Variants in FGF14 observed in about 807,000 individuals in gnomAD.
FGF14 encodes fibroblast growth factor homologous factor 4.
FGF14 carries 5 observed loss-of-function variants against 25.5 expected under a neutral mutation model. The ratio of observed to expected loss-of-function variants is 0.20; its 90% CI spans 0.10 to 0.41. The LOEUF (loss-of-function observed/expected upper bound fraction) is 0.41, where lower values mean the gene tolerates loss of function less well. Among genes scored for constraint, FGF14 ranks in the 10% least tolerant of loss-of-function variants. The pLI, the probability that FGF14 is intolerant of heterozygous loss-of-function variation, is 1.00. For missense variants in FGF14, 222 were observed against 320.1 expected (o/e 0.69, Z 2.34); for synonymous variants, 138 against 118.3 (o/e 1.17, Z -1.08).
chr13:102,371,560 C>T (rs1237853782), intron 1 of FGF14, among the ~76,000 whole-genome samples: 1 of 152,034 alleles, frequency 6.6e-6, no homozygotes, highest in African/African-American at 2.4e-5. Context: ...GCTCTTGTCA[C>T]GTTGCATTAT....
At chr13:101,799,044 C>T (rs185399242) in intron 3 of FGF14, among the ~76,000 whole-genome samples, 6 of 152,216 alleles carry the variant, frequency 3.9e-5, no homozygotes, top group African/African-American at 7.2e-5. Flanking sequence ...CATACATATA[C>T]GGTAAACACA....
chr13:102,380,309 T>C (rs771497920), intron 1 of FGF14, among the ~76,000 whole-genome samples: 2 of 152,062 alleles, frequency 1.3e-5, no homozygotes, highest in Non-Finnish European at 2.9e-5. Flanking sequence ...CAGTTTAAAG[T>C]TCAGCACGAG....
rs145146608 is a variant in FGF14 at position 101,973,816 on chromosome 13, G to C, written c.209-98520C>G. Among the ~76,000 whole-genome samples the C allele has an allele frequency of 2.6e-3, 394 of 152,176 alleles. 2 individuals are homozygous for C. Among genetic ancestry groups the C allele is most frequent in the African/African-American group, 9.0e-3 (372 of 41,532 alleles). ...GCAACACCCTCACAGACACACCCAGGATCAATACTTTGTATCTTTCAATCC... is the reference window on the plus strand; with the variant it reads ...GCAACACCCTCACAGACACACCCAGCATCAATACTTTGTATCTTTCAATCC... On this transcript the variant is annotated intron_variant, in intron 1 of 4. Transcript: ENST00000376131.
At chr13:102,180,326 T>G (rs550618534) in intron 1 of FGF14, among the ~76,000 whole-genome samples, 1 of 152,274 alleles carries the variant, frequency 6.6e-6, no homozygotes, top group East Asian at 1.9e-4. Context: ...TTTTTACTTT[T>G]TTTTGAGACA....
chr13:102,078,019 G>A (rs1027581837), intron 1 of FGF14, among the ~76,000 whole-genome samples: 2 of 152,126 alleles, frequency 1.3e-5, no homozygotes, highest in African/African-American at 4.8e-5. Flanking sequence ...TTTATAGTAA[G>A]TGAAATAAGT....
intron 1 of FGF14, among the ~76,000 whole-genome samples, chr13:102,121,252 C>T (rs114610965): frequency 8.7e-4 from 133 of 152,202 alleles, no homozygotes; most frequent in African/African-American, 3.0e-3. Context: ...GGTCAGGAAT[C>T]TTACTGTGGG....
At chr13:102,067,513 C>T (rs1183844742) in intron 1 of FGF14, among the ~76,000 whole-genome samples, 1 of 151,390 alleles carries the variant, frequency 6.6e-6, no homozygotes, top group Non-Finnish European at 1.5e-5. Flanking sequence ...AGTGTGAAAA[C>T]AAGCCAGTCA....
rs536419957 is a variant in FGF14, at chr13:102,168,887, G to C, written c.208+232584C>G. ...TCTGCCTTGTGGCAAGCAGGATAGG[G>C]AGCATTGTAAAATACTGATTCCTGA... is the stretch of plus-strand genomic sequence containing the variant. On this transcript the variant is annotated intron_variant, in intron 1 of 4. Transcript: ENST00000376131. Among the ~76,000 whole-genome samples, 3 of 152,042 alleles carry C rather than the reference G, an allele frequency of 2.0e-5. No homozygotes were observed. In the South Asian group the frequency reaches 6.2e-4, roughly 32 times the overall value.
At chr13:101,748,016 T>C (rs1175989820) in intron 3 of FGF14, among the ~76,000 whole-genome samples, 1 of 152,016 alleles carries the variant, frequency 6.6e-6, no homozygotes, top group African/African-American at 2.4e-5. Context: ...ACATTGTTGG[T>C]GGGGATTTAA....
intron 1 of FGF14, among the ~76,000 whole-genome samples, chr13:102,283,036 T>C (rs961561428): frequency 6.6e-6 from 1 of 152,120 alleles, no homozygotes; most frequent in Non-Finnish European, 1.5e-5. Flanking sequence ...AGCCCAAAGC[T>C]TGTATGGTGG....
chr13:102,289,210 G>C (rs964547124), intron 1 of FGF14, among the ~76,000 whole-genome samples: 1 of 152,024 alleles, frequency 6.6e-6, no homozygotes, highest in African/African-American at 2.4e-5. Context: ...AAGTGATGAA[G>C]GTTTTAATTC....
At chr13:102,136,486 C>T (rs1209083325) in intron 1 of FGF14, among the ~76,000 whole-genome samples, 2 of 152,092 alleles carry the variant, frequency 1.3e-5, no homozygotes, top group Non-Finnish European at 2.9e-5. Flanking sequence ...AAATAATCAG[C>T]TCCAACACAC....
chr13:102,285,059 G>A (rs2054028391), intron 1 of FGF14, among the ~76,000 whole-genome samples: 1 of 152,112 alleles, frequency 6.6e-6, no homozygotes, highest in Non-Finnish European at 1.5e-5. Context: ...GAACCTTGGA[G>A]GACTCCATGA....
intron 1 of FGF14, among the ~76,000 whole-genome samples, chr13:102,364,353 A>G (rs1326791969): frequency 6.6e-6 from 1 of 152,220 alleles, no homozygotes; most frequent in African/African-American, 2.4e-5. Flanking sequence ...TGAAATGTGT[A>G]TAACAGGCCA....
At chr13:102,214,586 G>C (rs999383548) in intron 1 of FGF14, among the ~76,000 whole-genome samples, 11 of 152,122 alleles carry the variant, frequency 7.2e-5, no homozygotes, top group Admixed American at 5.9e-4. Flanking sequence ...ATGCCATTTA[G>C]TTTCAACACT....
chr13:102,358,943 GAT>G, intron 1 of FGF14, among the ~76,000 whole-genome samples: 1 of 152,242 alleles, frequency 6.6e-6, no homozygotes, highest in South Asian at 2.1e-4. Flanking sequence ...TGATAAACTG[GAT>G]AAAGAAAATG....
intron 1 of FGF14, among the ~76,000 whole-genome samples, chr13:102,364,995 T>C (rs1427677353): frequency 2.0e-5 from 3 of 152,324 alleles, no homozygotes; most frequent in African/African-American, 7.2e-5. Flanking sequence ...ATTTTTCCCT[T>C]AAAAATTTAC....
intron 3 of FGF14, among the ~76,000 whole-genome samples, chr13:101,729,300 C>T (rs1246794012): frequency 6.6e-6 from 1 of 152,120 alleles, no homozygotes; most frequent in Admixed American, 6.6e-5. Context: ...AATACATTTT[C>T]TCAAAACTTT....
At chr13:102,378,615 C>CTA (rs2058097825) in intron 1 of FGF14, among the ~76,000 whole-genome samples, 1 of 131,806 alleles carries the variant, frequency 7.6e-6, no homozygotes, top group African/African-American at 3.0e-5. Flanking sequence ...ATCTATCTAT[C>CTA]TATCTATCTA....
Sources: allele counts gnomAD v4.1 joint callset (sites outside exome capture counted in the v4.1 genomes callset), GRCh38; gene constraint gnomAD v4.1.1; transcripts MANE v1.5; gene names NCBI Gene and HGNC (gene_info 2026-07-23, HGNC 2026-07-21).